Variants in CCDC33 observed in about 807,000 individuals in gnomAD.
CCDC33 encodes coiled-coil domain containing 33.
CCDC33 carries 94 observed loss-of-function variants against 91.9 expected under a neutral mutation model. The ratio of observed to expected loss-of-function variants is 1.02; its 90% confidence interval spans 0.87 to 1.21. The LOEUF (loss-of-function observed/expected upper bound fraction) is 1.21. CCDC33 is among the 50% of genes most tolerant of loss of function. The pLI, the probability that CCDC33 is intolerant of heterozygous loss-of-function variation, is 0.00. For missense variants in CCDC33, 940 were observed against 935.5 expected, an observed-to-expected ratio of 1.00 and a Z score of -0.06; for synonymous variants, 396 against 374.5, an observed-to-expected ratio of 1.06 and a Z score of -0.66.
intron 2 of CCDC33, among the ~76,000 whole-genome samples, chr15:74,211,088 A>G (rs2074360787): frequency 6.6e-6 from 1 of 151,952 alleles, no homozygotes; most frequent in Admixed American, 6.6e-5. Flanking sequence ...ATGATGTGCC[A>G]GGGTCAGTGA....
At chr15:74,245,817 TG>T (rs2075510001) in intron 2 of CCDC33, among the ~76,000 whole-genome samples, 1 of 152,144 alleles carries the variant, frequency 6.6e-6, no homozygotes, top group Admixed American at 6.5e-5. Flanking sequence ...CTTCTCCAGC[TG>T]GGAGCAGCGC....
chr15:74,332,732 C>A lies in CCDC33; in HGVS notation c.1825C>A (p.Leu609Met), dbSNP rs1447483290. 6.2e-7 allele frequency: 1 copy of A among 1,614,232 alleles called. No individual in the cohort carries two copies. Among genetic ancestry groups the A allele is most frequent in the South Asian group, 1.1e-5 (1 of 91,084 alleles). The change falls in exon 16 of 19, where the codon CTG (leucine) becomes ATG (methionine). Residue 609 changes from leucine to methionine, a missense_variant. By Grantham distance (15) the Leu-to-Met change is conservative (BLOSUM62 2). Transcript: ENST00000398814. ...TCCCTTGGGTTCTATGGGAGAGAACCTGCCGGTTGAACTTTACTCGGTGCT... is the reference window on the plus strand; with the variant it reads ...TCCCTTGGGTTCTATGGGAGAGAACATGCCGGTTGAACTTTACTCGGTGCT... ...GLPLGSMGEN[L>M]PVELYSVLLA...
At chr15:74,235,407 A>G (rs1161830334), upstream of CCDC33, among the ~76,000 whole-genome samples, 2 of 152,204 alleles carry the variant, frequency 1.3e-5, no homozygotes, top group Non-Finnish European at 2.9e-5. Flanking sequence ...CCTGGCTGCC[A>G]GGCTGGTCCT....
At chr15:74,230,865 A>C (rs113868067) in intron 2 of CCDC33, among the ~76,000 whole-genome samples, 19 of 152,166 alleles carry the variant, frequency 1.2e-4, no homozygotes, top group Admixed American at 3.9e-4. Flanking sequence ...GGTTTGCCCA[A>C]ACCCTCACTC....
chr15:74,334,174 T>A (rs1011149907), intron 17 of CCDC33, among the ~76,000 whole-genome samples: 4 of 151,048 alleles, frequency 2.6e-5, no homozygotes, highest in East Asian at 1.9e-4. Flanking sequence ...AGGGTCAGGG[T>A]TCAGTGTACA....
chr15:74,217,851 T>A (rs2074488187), intron 1 of CCDC33, among the ~76,000 whole-genome samples: 1 of 151,914 alleles, frequency 6.6e-6, no homozygotes, highest in South Asian at 2.1e-4. Flanking sequence ...GCTTTGTAAA[T>A]GTAAAAGTGC....
chr15:74,249,627 G>T (rs188242259), intron 2 of CCDC33, among the ~76,000 whole-genome samples: 2 of 152,220 alleles, frequency 1.3e-5, no homozygotes, highest in Admixed American at 6.5e-5. Context: ...CAATCAATAG[G>T]TGACATCTGG....
At chr15:74,318,632 GC>G (rs766960695) in intron 11 of CCDC33, 1 of 763,214 alleles carries the variant, frequency 1.3e-6, no homozygotes, top group Non-Finnish European at 2.4e-6. Flanking sequence ...CCCCAAGGCT[GC>G]CCCAGGCCTC....
chr15:74,244,296 C>A lies in CCDC33; in HGVS notation c.185+148C>A. 2 of 1,049,120 alleles carry A rather than the reference C, an allele frequency of 1.9e-6. No individual in the cohort carries two copies. Among genetic ancestry groups the A allele is most frequent in the Non-Finnish European group, 2.7e-6 (2 of 754,086 alleles). 65.0% of individuals were successfully genotyped at this position (1,049,120 alleles called of 1,614,324 possible). On this transcript the variant is annotated intron_variant, in intron 2 of 18. Transcript: ENST00000398814. This position sits in a 1 kb window ranked among gnomAD's most constrained non-coding sequence, Gnocchi z 4.2. Reference sequence around the variant, plus strand: ...AGGAGCTGCTGTGGGCACTACCTGGCATCTCCGCTGCTGCATGGGAAGCTG... The same window carrying A: ...AGGAGCTGCTGTGGGCACTACCTGGAATCTCCGCTGCTGCATGGGAAGCTG...
chr15:74,209,686 A>G, intron 2 of CCDC33: 1 of 523,966 alleles, frequency 1.9e-6, no homozygotes, highest in Non-Finnish European at 3.4e-6. Flanking sequence ...AGTCGGCTGC[A>G]TCCCCCCTCA....
chr15:74,225,370 A>C (rs1317226375), intron 2 of CCDC33, among the ~76,000 whole-genome samples: 2 of 151,716 alleles, frequency 1.3e-5, no homozygotes, highest in Non-Finnish European at 2.9e-5. Context: ...TTAACCTTAC[A>C]CCCATGGAAA....
intron 11 of CCDC33, among the ~76,000 whole-genome samples, chr15:74,329,777 C>T (rs151071073): frequency 0.011 from 1,695 of 152,190 alleles, 17 homozygotes; most frequent in African/African-American, 0.027. Context: ...TTCTCAGTGA[C>T]GTGAGGAATG....
chr15:74,318,474 GC>G, intron 11 of CCDC33: 1 of 569,390 alleles, frequency 1.8e-6, no homozygotes. Flanking sequence ...AGGGGAAGTG[GC>G]CCCATGGGCC....
chr15:74,291,150 C>T lies in CCDC33; in HGVS notation c.1096-4604C>T, dbSNP rs2059577107. Among the ~76,000 whole-genome samples, 6 of 152,224 alleles carry T rather than the reference C, an allele frequency of 3.9e-5. No homozygotes were observed. The South Asian group carries it at 1.2e-3, about 32-fold the overall frequency. ...GGAGACAGACCCGGAGCTTCAAACC[C>T]CACTGCAGCTGCAAGAGCACGCAGG... On this transcript the variant is annotated intron_variant, in intron 10 of 18. Coordinates refer to ENST00000398814, the MANE Select transcript of CCDC33 (RefSeq NM_025055.5).
At chr15:74,245,177 TCTC>T (rs2075481267) in intron 2 of CCDC33, among the ~76,000 whole-genome samples, 1 of 152,092 alleles carries the variant, frequency 6.6e-6, no homozygotes, top group African/African-American at 2.4e-5. Context: ...TGAGGACGGA[TCTC>T]CTCCTCCATT....
chr15:74,332,531 C>T (rs944176499), intron 15 of CCDC33, 148 bp from the exon 16 acceptor site: 11 of 777,570 alleles, frequency 1.4e-5, no homozygotes, highest in Non-Finnish European at 2.4e-5. Flanking sequence ...CCTGTGTGCA[C>T]CTGATCCCAC....
At chr15:74,301,613 C>T (rs1305945611) in intron 11 of CCDC33, 1 of 152,244 alleles carries the variant, frequency 6.6e-6, no homozygotes, top group Non-Finnish European at 1.5e-5. Flanking sequence ...CTGGACACAC[C>T]TAGTGAGCCC....
At position 74,292,298 on chromosome 15, in the gene CCDC33, G is replaced by A. The variant is rs113120550; in HGVS notation, c.1096-3456G>A. On this transcript the variant is annotated intron_variant, in intron 10 of 18. Transcript: ENST00000398814. ...TCCACCCTGACTCACCATCTCCTAT[G>A]GGTTGGCTCTTTCTATGGTCTCGAG... 9.2e-3 allele frequency among the ~76,000 whole-genome samples: 1,405 copies of A among 152,262 alleles called. 17 individuals are homozygous for A. Among genetic ancestry groups the A allele is most frequent in the African/African-American group, 0.031 (1,309 of 41,558 alleles).
At chr15:74,291,923 A>G (rs992660386) in intron 10 of CCDC33, among the ~76,000 whole-genome samples, 3 of 152,256 alleles carry the variant, frequency 2.0e-5, no homozygotes, top group Non-Finnish European at 2.9e-5. Context: ...TGGCACTCAC[A>G]TGTGGTGTGG....
Sources: allele counts gnomAD v4.1 joint callset (sites outside exome capture counted in the v4.1 genomes callset), GRCh38; gene constraint gnomAD v4.1.1; non-coding constraint Gnocchi (gnomAD v3.1); transcripts MANE v1.5; gene names NCBI Gene and HGNC (gene_info 2026-07-23, HGNC 2026-07-21).